SMYD3: variants seen among roughly 807,000 people sequenced by gnomAD.
The protein encoded by SMYD3 is SET and MYND domain containing 3, also known as histone-lysine N-methyltransferase SMYD3.
SMYD3 carries 36 observed loss-of-function variants against 57.7 expected under a neutral mutation model. That is an observed-to-expected ratio of 0.62 (90% CI 0.48 to 0.82). The LOEUF (loss-of-function observed/expected upper bound fraction) is 0.82, where lower values mean the gene tolerates loss of function less well. Among genes scored for constraint, SMYD3 ranks in the 40% least tolerant of loss-of-function variants. The pLI, the probability that SMYD3 is intolerant of heterozygous loss-of-function variation, is 0.00. For synonymous variants in SMYD3, 211 were observed against 195.0 expected (o/e 1.08, Z -0.68); for missense variants, 515 against 538.8 (o/e 0.96, Z 0.44).
At chr1:245,812,637 G>A (rs936867261) in intron 10 of SMYD3, among the ~76,000 whole-genome samples, 2 of 146,542 alleles carry the variant, frequency 1.4e-5, no homozygotes, top group Non-Finnish European at 3.0e-5. Flanking sequence ...TAGCCCAAGA[G>A]AGAACAGGCC....
At chr1:246,235,377 A>G (rs2063497899) in intron 5 of SMYD3, among the ~76,000 whole-genome samples, 1 of 152,230 alleles carries the variant, frequency 6.6e-6, no homozygotes, top group South Asian at 2.1e-4. Flanking sequence ...CTTCCTGAAT[A>G]TGTTGCAAAA....
Position 246,005,181 on chromosome 1 carries a change from T to G in SMYD3, c.532-75244A>C, listed in dbSNP as rs145672933. 3.3e-3 allele frequency among the ~76,000 whole-genome samples: 499 copies of G among 152,244 alleles called. 1 individual carries two copies. Among genetic ancestry groups the G allele is most frequent in the African/African-American group, 0.011 (468 of 41,556 alleles). ...AACATTTTAAGGGGGAAACATTACA[T>G]GAAGAATGTTGGTTACAAAGAAAAA... On this transcript the variant is annotated intron_variant, in intron 5 of 11. Coordinates refer to ENST00000490107, the MANE Select transcript of SMYD3 (RefSeq NM_001167740.2).
chr1:245,764,004 T>C, intron 11 of SMYD3, 37 bp downstream of exon 11: 1 of 1,511,006 alleles, frequency 6.6e-7, no homozygotes, highest in Non-Finnish European at 9.2e-7. Flanking sequence ...AAAAAAAGGA[T>C]GCCAGGCAGA....
chr1:245,823,772 A>AGG (rs1165460728), intron 10 of SMYD3, among the ~76,000 whole-genome samples: 1 of 152,214 alleles, frequency 6.6e-6, no homozygotes, highest in African/African-American at 2.4e-5. Context: ...CCGCCAAATG[A>AGG]GGAAAGAAAA....
chr1:246,141,012 T>C (rs1009151489), intron 5 of SMYD3, among the ~76,000 whole-genome samples: 1 of 152,216 alleles, frequency 6.6e-6, no homozygotes, highest in Non-Finnish European at 1.5e-5. Flanking sequence ...ATATAACTTA[T>C]GACAGTAGAG....
In SMYD3 at chr1:245,796,279, A is replaced by G. The variant is rs139643074; in HGVS notation, c.1077-32130T>C. Among the ~76,000 whole-genome samples the G allele has an allele frequency of 3.7e-3, 562 of 152,330 alleles. 7 individuals carry two copies. Among genetic ancestry groups the G allele is most frequent in the Non-Finnish European group, 5.1e-3 (348 of 68,020 alleles). ...AATATTTTATCAAAAATAAAATATA[A>G]TAAAACCTTATTGGGACGAATTGGG... is the stretch of plus-strand genomic sequence containing the variant. On this transcript the variant is annotated intron_variant, in intron 10 of 11. Coordinates refer to ENST00000490107, the MANE Select transcript of SMYD3 (RefSeq NM_001167740.2).
intron 1 of SMYD3, among the ~76,000 whole-genome samples, chr1:246,425,732 T>A (rs1479531224): frequency 6.6e-6 from 1 of 152,196 alleles, no homozygotes. Context: ...CTTACTCAGC[T>A]CTTTACAGGT....
intron 10 of SMYD3, among the ~76,000 whole-genome samples, chr1:245,791,101 A>C (rs1223431492): frequency 6.6e-6 from 1 of 152,174 alleles, no homozygotes; most frequent in East Asian, 1.9e-4. Context: ...AATAAGCTAC[A>C]CCATGAAAAA....
intron 5 of SMYD3, among the ~76,000 whole-genome samples, chr1:246,307,592 T>A (rs902830404): frequency 1.3e-5 from 2 of 151,886 alleles, no homozygotes; most frequent in Non-Finnish European, 2.9e-5. Context: ...GCTAATTTTT[T>A]GTATTTTTAG....
rs148023839 is a variant in SMYD3 at position 245,774,327 on chromosome 1, C to T, written c.1077-10178G>A. On this transcript the variant is annotated intron_variant, in intron 10 of 11. Transcript: ENST00000490107. ...GGAATGGTAAGTAAGACATGATTGC[C>T]GGTAACAGAAGGAAACAGATTACAT... Among the ~76,000 whole-genome samples the T allele has an allele frequency of 4.9e-3, 751 of 152,152 alleles. 6 individuals carry two copies. Among genetic ancestry groups the T allele is most frequent in the African/African-American group, 0.017 (716 of 41,496 alleles).
intron 1 of SMYD3, among the ~76,000 whole-genome samples, chr1:246,417,045 T>C (rs981126973): frequency 2.0e-5 from 3 of 152,186 alleles, no homozygotes; most frequent in Non-Finnish European, 4.4e-5. Flanking sequence ...AGACTTCAAC[T>C]GCATAATACA....
At chr1:246,020,659 C>T (rs763429795) in intron 5 of SMYD3, among the ~76,000 whole-genome samples, 15 of 152,138 alleles carry the variant, frequency 9.9e-5, no homozygotes, top group African/African-American at 2.2e-4. Context: ...AATGCTCTAT[C>T]GGTGTAAACT....
chr1:246,230,491 T>A (rs146957039), intron 5 of SMYD3, among the ~76,000 whole-genome samples: 6 of 152,308 alleles, frequency 3.9e-5, no homozygotes, highest in African/African-American at 1.2e-4. Flanking sequence ...TCTTGTGCAT[T>A]GCCAACTCTG....
intron 5 of SMYD3, among the ~76,000 whole-genome samples, chr1:246,195,008 G>C (rs1277085002): frequency 5.9e-5 from 9 of 152,172 alleles, no homozygotes; most frequent in African/African-American, 2.2e-4. Context: ...GCTATACTTG[G>C]CCTACTGAGA....
rs182658782 is a variant in SMYD3 at position 246,338,972 on chromosome 1, T to C, written c.229-3498A>G. ...ACAATGAAGAATTATCCAAATCCAA[T>C]GCAACTTTCAAGTGTCCAACCAAAT... On this transcript the variant is annotated intron_variant, in intron 2 of 11. Coordinates refer to ENST00000490107, the MANE Select transcript of SMYD3 (RefSeq NM_001167740.2). Among the ~76,000 whole-genome samples the C allele has an allele frequency of 1.0e-3, 158 of 152,326 alleles. 1 individual carries two copies. Among genetic ancestry groups the C allele is most frequent in the Non-Finnish European group, 2.0e-3 (134 of 68,032 alleles).
rs1384962912 is a variant in SMYD3 at position 246,506,395 on chromosome 1, C to T, written c.164+659G>A. Reference sequence around the variant, plus strand: ...TGCACAGCCATTAAATGGCACAGCACACGGGGGACCCGTGTCTGATGCTCC... The same window carrying T: ...TGCACAGCCATTAAATGGCACAGCATACGGGGGACCCGTGTCTGATGCTCC... On this transcript the variant is annotated intron_variant, in intron 1 of 11. Transcript: ENST00000490107. Among the ~76,000 whole-genome samples the T allele has an allele frequency of 2.0e-5, 3 of 152,336 alleles. No individual in the cohort carries two copies. In the East Asian group the frequency reaches 5.8e-4, roughly 29 times the overall value.
At chr1:246,225,181 A>G (rs1315637266) in intron 5 of SMYD3, among the ~76,000 whole-genome samples, 2 of 151,946 alleles carry the variant, frequency 1.3e-5, no homozygotes. Context: ...TCATAATTCC[A>G]GTATTTAAAG....
intron 1 of SMYD3, among the ~76,000 whole-genome samples, chr1:246,484,714 C>T (rs1411074212): frequency 4.4e-3 from 141 of 32,240 alleles, no homozygotes; most frequent in African/African-American, 0.01. Context: ...CTAGTTACAC[C>T]TAAAAACACA....
At chr1:246,194,327 G>A (rs1340481390) in intron 5 of SMYD3, among the ~76,000 whole-genome samples, 2 of 151,184 alleles carry the variant, frequency 1.3e-5, no homozygotes, top group African/African-American at 4.9e-5. Flanking sequence ...GAGTGCAGTA[G>A]TGCGATCTCA....
Sources: allele counts gnomAD v4.1 joint callset (sites outside exome capture counted in the v4.1 genomes callset), GRCh38; gene constraint gnomAD v4.1.1; transcripts MANE v1.5; gene names NCBI Gene and HGNC (gene_info 2026-07-23, HGNC 2026-07-21).